Variants in ARL13B observed in about 807,000 individuals in gnomAD.
The protein encoded by ARL13B is ARF like GTPase 13B.
In ARL13B, 36 loss-of-function variants were observed where a neutral mutation model predicts 56.1. The observed-to-expected ratio is 0.64, with a 90% CI of 0.49 to 0.85. ARL13B has a LOEUF of 0.85. Ranked by LOEUF, ARL13B falls within the 40% of genes least tolerant of loss-of-function variation. The probability of loss-of-function intolerance (pLI) is 0.00; values close to 1 mark genes in which losing one functional copy is unlikely to be tolerated. For synonymous variants in ARL13B, 178 were observed against 171.1 expected, an observed-to-expected ratio of 1.04 and a Z score of -0.32; for missense variants, 519 against 507.1, an observed-to-expected ratio of 1.02 and a Z score of -0.23.
At position 94,016,881 on chromosome 3, in the gene ARL13B, G is replaced by A. The variant is rs144084170; in HGVS notation, c.380+12973G>A. Reference sequence around the variant, plus strand: ...AGGCTGGTCTCAAACTCCTGACCTCGTGATCCGCCCACCTTGGCCTCCCAA... The same window carrying A: ...AGGCTGGTCTCAAACTCCTGACCTCATGATCCGCCCACCTTGGCCTCCCAA... On this transcript the variant is annotated intron_variant, in intron 3 of 9. Coordinates refer to ENST00000394222, the MANE Select transcript of ARL13B (RefSeq NM_001174150.2). Among the ~76,000 whole-genome samples the A allele has an allele frequency of 3.8e-3, 583 of 152,142 alleles. 6 individuals carry two copies. The highest frequency in any genetic ancestry group is 0.013 in the African/African-American group (547 of 41,508).
intron 3 of ARL13B, among the ~76,000 whole-genome samples, chr3:94,021,028 T>C (rs142571599): frequency 6.6e-6 from 1 of 152,024 alleles, no homozygotes; most frequent in East Asian, 1.9e-4. Flanking sequence ...AGTGTTTCTA[T>C]AAGATCCAAG....
chr3:94,018,855 G>A (rs577122658), intron 3 of ARL13B, among the ~76,000 whole-genome samples: 12 of 151,772 alleles, frequency 7.9e-5, no homozygotes, highest in African/African-American at 2.4e-4. Flanking sequence ...AACCTCCGCC[G>A]TCCGGGTTCA....
intron 1 of ARL13B, among the ~76,000 whole-genome samples, chr3:93,985,017 C>CA (rs1710381573): frequency 6.6e-6 from 1 of 151,892 alleles, no homozygotes; most frequent in Admixed American, 6.6e-5. Context: ...CTCAATCAAT[C>CA]AATCAATCAA....
chr3:94,032,909 A>G (rs774282002), intron 3 of ARL13B, among the ~76,000 whole-genome samples: 2 of 152,196 alleles, frequency 1.3e-5, no homozygotes, highest in African/African-American at 2.4e-5. Flanking sequence ...AGATATCTGA[A>G]CTCAAGATGT....
intron 8 of ARL13B, among the ~76,000 whole-genome samples, chr3:94,049,758 T>A (rs994224259): frequency 6.6e-6 from 1 of 151,678 alleles, no homozygotes; most frequent in Non-Finnish European, 1.5e-5. Flanking sequence ...ATTAAGAAAA[T>A]TTTACCCAGT....
At chr3:94,031,779 C>T (rs2076680854) in intron 3 of ARL13B, among the ~76,000 whole-genome samples, 1 of 152,138 alleles carries the variant, frequency 6.6e-6, no homozygotes, top group Admixed American at 6.5e-5. Flanking sequence ...ACCAAAGTAG[C>T]ATGGTACTGG....
chr3:94,050,163 C>T (rs1352507480), intron 8 of ARL13B, among the ~76,000 whole-genome samples: 7 of 116,370 alleles, frequency 6.0e-5, no homozygotes, highest in South Asian at 5.6e-4. Context: ...GACTCCATCT[C>T]GGGAAAAAAA....
At chr3:94,031,962 A>T (rs1026423845) in intron 3 of ARL13B, among the ~76,000 whole-genome samples, 1 of 152,216 alleles carries the variant, frequency 6.6e-6, no homozygotes, top group Non-Finnish European at 1.5e-5. Context: ...AAGACCTGAA[A>T]AATACTGGAA....
chr3:93,998,540 C>T (rs1210270516), intron 2 of ARL13B, among the ~76,000 whole-genome samples: 2 of 152,174 alleles, frequency 1.3e-5, no homozygotes, highest in African/African-American at 4.8e-5. Context: ...CAGATGTAAG[C>T]CTTCTCTTTC....
chr3:93,985,499 G>C (rs1710414159), intron 1 of ARL13B, among the ~76,000 whole-genome samples: 2 of 152,058 alleles, frequency 1.3e-5, no homozygotes, highest in African/African-American at 4.8e-5. Flanking sequence ...AACAAATTTT[G>C]CATACAAATT....
chr3:94,034,023 C>T (rs1474018382), intron 3 of ARL13B, among the ~76,000 whole-genome samples: 1 of 151,942 alleles, frequency 6.6e-6, no homozygotes, highest in Admixed American at 6.6e-5. Flanking sequence ...TGATAAGTAA[C>T]GTATATTGGA....
chr3:93,993,997 G>C (rs1192515285), intron 1 of ARL13B, among the ~76,000 whole-genome samples: 1 of 152,168 alleles, frequency 6.6e-6, no homozygotes, highest in Non-Finnish European at 1.5e-5. Flanking sequence ...TATAGACACA[G>C]CTTCTGTTTA....
chr3:94,015,091 CT>C (rs1446190434), intron 3 of ARL13B: 1 of 1,613,806 alleles, frequency 6.2e-7, no homozygotes, highest in Non-Finnish European at 8.5e-7. Flanking sequence ...ATTGTTAATA[CT>C]TTCCTGTAGT....
At chr3:94,021,332 C>T (rs1454200167) in intron 3 of ARL13B, among the ~76,000 whole-genome samples, 4 of 151,764 alleles carry the variant, frequency 2.6e-5, no homozygotes, top group Non-Finnish European at 5.9e-5. Flanking sequence ...GTTCCTGAGA[C>T]TACAGGTGCC....
chr3:93,988,599 A>G lies in ARL13B; in HGVS notation c.60-7275A>G, dbSNP rs143392263. ...TACCCTGGATTGTACAAGAAGGGAGACAGGGACTACTGATAAGACATGGTA... is the reference window on the plus strand; with the variant it reads ...TACCCTGGATTGTACAAGAAGGGAGGCAGGGACTACTGATAAGACATGGTA... On this transcript the variant is annotated intron_variant, in intron 1 of 9. Coordinates refer to ENST00000394222, the MANE Select transcript of ARL13B (RefSeq NM_001174150.2). 1.5e-5 allele frequency: 7 copies of G among 452,118 alleles called. No homozygotes were observed. In the East Asian group the frequency reaches 3.6e-4, roughly 23 times the overall value. 28.0% of individuals were successfully genotyped at this position (452,118 alleles called of 1,614,324 possible).
At chr3:93,986,934 C>T (rs1207509942) in intron 1 of ARL13B, among the ~76,000 whole-genome samples, 13 of 146,642 alleles carry the variant, frequency 8.9e-5, no homozygotes, top group Non-Finnish European at 1.5e-4. Context: ...CTCGCCACTG[C>T]ACACTCCAGC....
chr3:94,029,319 TATATATATATATATA>T (rs1253969801), intron 3 of ARL13B, among the ~76,000 whole-genome samples: 3 of 100,128 alleles, frequency 3.0e-5, no homozygotes, highest in African/African-American at 9.8e-5. Context: ...TATATATATA[TATATATATATATATA>T]TTTATTTTTT....
chr3:94,041,099 A>G (rs1458241324), intron 6 of ARL13B, among the ~76,000 whole-genome samples: 1 of 151,988 alleles, frequency 6.6e-6, no homozygotes, highest in Non-Finnish European at 1.5e-5. Flanking sequence ...TTTTAACCAT[A>G]CAGATTTTCT....
intron 2 of ARL13B, among the ~76,000 whole-genome samples, chr3:94,003,178 A>T (rs1410683046): frequency 1.3e-5 from 2 of 152,140 alleles, no homozygotes; most frequent in South Asian, 2.1e-4. Context: ...ATATAACTTT[A>T]ATTCAGCTAA....
Sources: gnomAD v4.1 joint callset for allele counts (sites outside exome capture counted in the v4.1 genomes callset) on GRCh38, gnomAD v4.1.1 for gene constraint, MANE v1.5 for transcripts, NCBI Gene and HGNC (gene_info 2026-07-23, HGNC 2026-07-21) for gene names.